TPST2: variants seen among roughly 807,000 people sequenced by gnomAD.
The protein encoded by TPST2 is tyrosylprotein sulfotransferase 2, also known as protein-tyrosine sulfotransferase 2.
TPST2 carries 16 observed loss-of-function variants against 27.8 expected under a neutral mutation model. The ratio of observed to expected loss-of-function variants is 0.58; its 90% CI spans 0.39 to 0.88. TPST2 has a LOEUF of 0.88. Among genes scored for constraint, TPST2 ranks in the 40% least tolerant of loss-of-function variants. The pLI is 0.00. For synonymous variants in TPST2, 229 were observed against 231.7 expected (o/e 0.99, Z 0.10); for missense variants, 464 against 543.1 (o/e 0.85, Z 1.45).
chr22:26,536,189 T>G (rs1411188545), intron 4 of TPST2, 99 bp downstream of exon 4: 1 of 1,369,402 alleles, frequency 7.3e-7, no homozygotes, highest in African/African-American at 1.4e-5. Context: ...GACCAGGAAT[T>G]GAGAGACTGA....
intron 6 of TPST2, among the ~76,000 whole-genome samples, chr22:26,526,712 C>T (rs1022853260): frequency 1.3e-5 from 2 of 152,116 alleles, no homozygotes; most frequent in Non-Finnish European, 2.9e-5. Flanking sequence ...AGAAAGGCAG[C>T]GAGGGAACAG....
chr22:26,530,063 C>T (rs1925067705), intron 5 of TPST2, among the ~76,000 whole-genome samples: 1 of 152,168 alleles, frequency 6.6e-6, no homozygotes, highest in Non-Finnish European at 1.5e-5. Flanking sequence ...GGCAGAACAA[C>T]ACAGTGGGGA....
At chr22:26,589,116 G>A (rs1928453520) in intron 1 of TPST2, among the ~76,000 whole-genome samples, 1 of 152,084 alleles carries the variant, frequency 6.6e-6, no homozygotes, top group African/African-American at 2.4e-5. Flanking sequence ...GCCTGTGAGT[G>A]AGTTTCAGCT....
chr22:26,530,658 A>G (rs1379220251), intron 5 of TPST2, among the ~76,000 whole-genome samples: 3 of 149,440 alleles, frequency 2.0e-5, no homozygotes, highest in African/African-American at 7.5e-5. Context: ...CAGCAGGAGC[A>G]GGTGGAAGGG....
rs543872007 is a variant in TPST2 at position 26,587,481 on chromosome 22, C to T, written c.-161+2572G>A. Among the ~76,000 whole-genome samples the T allele has an allele frequency of 2.6e-5, 4 of 152,274 alleles. No homozygotes were observed. The East Asian group carries it at 7.7e-4, about 29-fold the overall frequency. ...TCAGCCTCCCAAGTAGCTGGGGTTACAGGCACGCACCACCACACCTGGCTA... is the reference window on the plus strand; with the variant it reads ...TCAGCCTCCCAAGTAGCTGGGGTTATAGGCACGCACCACCACACCTGGCTA... On this transcript the variant is annotated intron_variant, in intron 1 of 6. Transcript: ENST00000338754.
At chr22:26,581,052 A>ACG (rs1362619082) in intron 1 of TPST2, among the ~76,000 whole-genome samples, 5 of 65,580 alleles carry the variant, frequency 7.6e-5, no homozygotes, top group South Asian at 1.3e-3. Flanking sequence ...ACACACACAC[A>ACG]CGCACACACA....
chr22:26,586,253 T>C (rs1928345852), intron 1 of TPST2, among the ~76,000 whole-genome samples: 1 of 151,950 alleles, frequency 6.6e-6, no homozygotes, highest in African/African-American at 2.4e-5. Context: ...TAATATTTAA[T>C]TGATTTTTAT....
chr22:26,554,717 C>T (rs1346374908), intron 1 of TPST2, among the ~76,000 whole-genome samples: 1 of 152,188 alleles, frequency 6.6e-6, no homozygotes, highest in Non-Finnish European at 1.5e-5. Flanking sequence ...GTGGGCGGAT[C>T]ACCTGGGGTC....
In TPST2 at chr22:26,541,935, T is replaced by G. The variant is rs1436468782; in HGVS notation, c.-88-217A>C. On this transcript the variant is annotated intron_variant, in intron 2 of 6. Transcript: ENST00000338754. The surrounding 1 kb of genome is among the most constrained non-coding windows in gnomAD (Gnocchi z 5.9). The stretch of plus-strand genomic sequence containing the variant: ...TGGGGTCTCACCATGTTTCCCAGGC[T>G]GCTCTTGAACTCGTGGGCCTGGGTG... 6.6e-6 allele frequency among the ~76,000 whole-genome samples: 1 copy of G among 152,154 alleles called. No homozygotes were observed. Among genetic ancestry groups the G allele is most frequent in the East Asian group, 1.9e-4 (1 of 5,186 alleles).
intron 1 of TPST2, among the ~76,000 whole-genome samples, chr22:26,553,442 G>A (rs923900161): frequency 2.0e-5 from 3 of 150,354 alleles, no homozygotes; most frequent in Non-Finnish European, 4.4e-5. Flanking sequence ...AGTGATCACT[G>A]TTCACTGCAG....
At chr22:26,573,233 G>A (rs1191777605) in intron 1 of TPST2, among the ~76,000 whole-genome samples, 1 of 152,170 alleles carries the variant, frequency 6.6e-6, no homozygotes, top group African/African-American at 2.4e-5. Flanking sequence ...GTCTCACTAT[G>A]TTGTCCAGGC....
intron 1 of TPST2, among the ~76,000 whole-genome samples, chr22:26,562,607 G>A (rs976692134): frequency 9.4e-5 from 13 of 138,708 alleles, no homozygotes; most frequent in Non-Finnish European, 1.5e-5. Context: ...ATCTACACTT[G>A]CTTTTTCTTT....
rs1398694822 is a variant in TPST2, at chr22:26,538,367, G to A, written c.843-1881C>T. On this transcript the variant is annotated intron_variant, in intron 3 of 6. Transcript: ENST00000338754. Reference sequence around the variant, plus strand: ...TTTGCCAAAATCCTTGTGTCTCTAGGACTTTATGGTGCAGAAATGAGGTGG... The same window carrying A: ...TTTGCCAAAATCCTTGTGTCTCTAGAACTTTATGGTGCAGAAATGAGGTGG... Among the ~76,000 whole-genome samples the A allele has an allele frequency of 3.9e-5, 6 of 152,338 alleles. 1 individual carries two copies. The South Asian group carries it at 6.2e-4, about 16-fold the overall frequency.
At position 26,541,331 on chromosome 22, in the gene TPST2, G is replaced by T; in HGVS notation, c.300C>A (p.Thr100=). The T allele has an allele frequency of 6.5e-7, 1 of 1,548,066 alleles. No individual in the cohort carries two copies. Among genetic ancestry groups the T allele is most frequent in the Non-Finnish European group, 8.7e-7 (1 of 1,145,274 alleles). Residue 100 remains threonine (T), a synonymous_variant, in exon 3 of 7, where the codon ACC becomes ACA. Transcript: ENST00000338754. The surrounding 1 kb of genome is among the most constrained non-coding windows in gnomAD (Gnocchi z 5.9). The part of the protein sequence containing the change: ...AHPEVRCGEE[T]RIIPRVLAMR... ...TGGCCAGCACGCGCGGGATGATGCG[G>T]GTCTCCTCGCCGCAGCGCACCTCGG...
In TPST2 at chr22:26,524,361, A is replaced by T. The variant is rs5761582; in HGVS notation, c.*1914T>A. 0.29 allele frequency: 43,305 copies of T among 150,694 alleles called. 6,889 individuals carry two copies. Among genetic ancestry groups the T allele is most frequent in the African/African-American group, 0.44 (17,702 of 40,410 alleles). 9.3% of individuals were successfully genotyped at this position (150,694 alleles called of 1,614,324 possible). ...CGTCTCTACAGAAAAAAAAAAATTT[A>T]AAAAGTAGCCAGGTGTGGTGGCACA... On this transcript the variant is annotated 3_prime_UTR_variant, in exon 7 of 7. Transcript: ENST00000338754.
intron 1 of TPST2, among the ~76,000 whole-genome samples, chr22:26,572,709 T>C (rs368647166): frequency 6.6e-6 from 1 of 152,196 alleles, no homozygotes; most frequent in East Asian, 1.9e-4. Flanking sequence ...AAATGCTGTT[T>C]GCCCTTCTGT....
chr22:26,588,454 T>TA (rs371869141), intron 1 of TPST2, among the ~76,000 whole-genome samples: 391 of 152,260 alleles, frequency 2.6e-3, no homozygotes, highest in African/African-American at 9.3e-3. Context: ...GTTCTAAAAT[T>TA]AGACAGTGGT....
chr22:26,578,972 C>A (rs1234999750), intron 1 of TPST2, among the ~76,000 whole-genome samples: 1 of 151,934 alleles, frequency 6.6e-6, no homozygotes, highest in Non-Finnish European at 1.5e-5. Flanking sequence ...CCACCTCAGC[C>A]TCCAAAGTAG....
In TPST2 at chr22:26,573,097, G is replaced by A. The variant is rs28526237; in HGVS notation, c.-161+16956C>T. ...CTGGTTAAGTGTTTAATTAATGATA[G>A]TTCCTGGCTCTACCTTCTTCCTCCA... On this transcript the variant is annotated intron_variant, in intron 1 of 6. Coordinates refer to ENST00000338754, the MANE Select transcript of TPST2 (RefSeq NM_003595.5). 2.1e-4 allele frequency among the ~76,000 whole-genome samples: 32 copies of A among 152,222 alleles called. 1 individual carries two copies. In the East Asian group the frequency reaches 4.4e-3, roughly 21 times the overall value.
Sources: gnomAD v4.1 joint callset for allele counts (sites outside exome capture counted in the v4.1 genomes callset) on GRCh38, gnomAD v4.1.1 for gene constraint, Gnocchi (gnomAD v3.1) non-coding constraint, MANE v1.5 for transcripts, NCBI Gene and HGNC (gene_info 2026-07-23, HGNC 2026-07-21) for gene names.